Variants in CNTN1 observed in about 807,000 individuals in gnomAD.
CNTN1 encodes the protein contactin-1.
In CNTN1, 38 loss-of-function variants were observed where a neutral mutation model predicts 126.4. The observed-to-expected ratio is 0.30, with a 90% confidence interval of 0.23 to 0.39. The LOEUF (loss-of-function observed/expected upper bound fraction) is 0.39. CNTN1 is among the 10% of genes least tolerant of loss of function. CNTN1 has a pLI of 1.00. For synonymous variants in CNTN1, 413 were observed against 422.6 expected (o/e 0.98, Z 0.28); for missense variants, 1,009 against 1,248.4 (o/e 0.81, Z 2.89).
chr12:40,960,668 GA>G (rs2137011631), intron 15 of CNTN1, among the ~76,000 whole-genome samples: 1 of 152,130 alleles, frequency 6.6e-6, no homozygotes, highest in Non-Finnish European at 1.5e-5. Flanking sequence ...AAATAAAAAT[GA>G]GACTACAAAA....
At position 40,757,915 on chromosome 12, in the gene CNTN1, C is replaced by T. The variant is rs1307225315; in HGVS notation, c.-77+65323C>T. On this transcript the variant is annotated intron_variant, in intron 1 of 23. Transcript: ENST00000551295. ...ATAAGCAGACATATTAGGTAATTAA[C>T]ATGCTATTTAGTTTATATATAGAAA... is the stretch of plus-strand genomic sequence containing the variant. 1.3e-5 allele frequency among the ~76,000 whole-genome samples: 2 copies of T among 151,974 alleles called. 1 individual carries two copies. The highest frequency in any genetic ancestry group is 1.3e-4 in the Admixed American group (2 of 15,240).
chr12:40,785,381 G>C (rs983395673), intron 1 of CNTN1, among the ~76,000 whole-genome samples: 12 of 152,140 alleles, frequency 7.9e-5, no homozygotes, highest in Admixed American at 7.9e-4. Flanking sequence ...GGCAAGGAAG[G>C]GGGTGAGAGA....
intron 1 of CNTN1, among the ~76,000 whole-genome samples, chr12:40,844,411 T>C (rs1310585992): frequency 6.6e-6 from 1 of 152,106 alleles, no homozygotes; most frequent in Non-Finnish European, 1.5e-5. Context: ...ATCACAAATA[T>C]TGTTTTTTTG....
chr12:40,818,381 T>TC (rs910078061), intron 1 of CNTN1, among the ~76,000 whole-genome samples: 3 of 152,156 alleles, frequency 2.0e-5, no homozygotes, highest in African/African-American at 7.2e-5. Context: ...ATTCTTTTTT[T>TC]CTCTATTCTT....
intron 1 of CNTN1, among the ~76,000 whole-genome samples, chr12:40,752,793 A>G (rs1382963648): frequency 6.6e-6 from 1 of 152,146 alleles, no homozygotes; most frequent in Non-Finnish European, 1.5e-5. Context: ...CCCTTGATTT[A>G]TAAAAACAGA....
At chr12:41,038,919 G>A (rs1465148245) in intron 23 of CNTN1, among the ~76,000 whole-genome samples, 1 of 152,020 alleles carries the variant, frequency 6.6e-6, no homozygotes, top group Non-Finnish European at 1.5e-5. Flanking sequence ...TAAAGTGAGA[G>A]AAAAGTTGAA....
chr12:40,704,920 A>G (rs112048387), intron 1 of CNTN1, among the ~76,000 whole-genome samples: 226 of 152,344 alleles, frequency 1.5e-3, no homozygotes, highest in African/African-American at 5.1e-3. Context: ...ATTGTTAGTC[A>G]TACTGAAATG....
intron 3 of CNTN1, among the ~76,000 whole-genome samples, chr12:40,913,964 G>A (rs951532975): frequency 1.3e-5 from 2 of 152,112 alleles, no homozygotes; most frequent in Non-Finnish European, 2.9e-5. Flanking sequence ...GATCAAAATA[G>A]TGATATGAAA....
At chr12:41,039,327 T>A (rs1949342230) in intron 23 of CNTN1, among the ~76,000 whole-genome samples, 1 of 151,906 alleles carries the variant, frequency 6.6e-6, no homozygotes, top group South Asian at 2.1e-4. Context: ...GTACTAAGAG[T>A]AGAAGTGGGA....
At chr12:40,821,410 T>A (rs1941438130) in intron 1 of CNTN1, among the ~76,000 whole-genome samples, 2 of 152,214 alleles carry the variant, frequency 1.3e-5, no homozygotes, top group Admixed American at 6.5e-5. Flanking sequence ...GTAACTAAAA[T>A]TAAATATGAT....
intron 20 of CNTN1, among the ~76,000 whole-genome samples, chr12:41,023,401 G>C (rs2120803507): frequency 6.6e-6 from 1 of 152,218 alleles, no homozygotes; most frequent in South Asian, 2.1e-4. Flanking sequence ...ATCTTACTTG[G>C]TTAAAGAGCT....
intron 14 of CNTN1, among the ~76,000 whole-genome samples, chr12:40,946,353 A>T (rs1333829793): frequency 6.6e-6 from 1 of 152,088 alleles, no homozygotes; most frequent in Non-Finnish European, 1.5e-5. Flanking sequence ...AATCTTAGTG[A>T]ATATATATAT....
chr12:40,734,391 A>G (rs1942568813), intron 1 of CNTN1, among the ~76,000 whole-genome samples: 1 of 152,126 alleles, frequency 6.6e-6, no homozygotes, highest in African/African-American at 2.4e-5. Flanking sequence ...GGTGAGATTC[A>G]ATGTAATAAA....
chr12:41,025,333 GCACGTGAGTCT>G lies in CNTN1; in HGVS notation c.2710+3_2710+13del. The G allele has an allele frequency of 6.2e-7, 1 of 1,613,078 alleles. No homozygotes were observed. The highest frequency in any genetic ancestry group is 8.5e-7 in the Non-Finnish European group (1 of 1,179,182). The stretch of plus-strand genomic sequence containing the variant: ...CATGATTGAGGCTTTCACCAAGAAA[GCACGTGAGTCT>G]CACGTTTTGTTTTTAGACTTGTCAA... On this transcript the variant is annotated splice_donor_variant and splice_donor_5th_base_variant and coding_sequence_variant and intron_variant, in exon 21 of 24. Transcript: ENST00000551295. LOFTEE classifies it high-confidence loss of function.
rs75426521 is a variant in CNTN1 at position 40,792,040 on chromosome 12, C to T, written c.-77+99448C>T. Among the ~76,000 whole-genome samples the T allele has an allele frequency of 7.4e-3, 1,125 of 152,010 alleles. 13 individuals carry two copies. Among genetic ancestry groups the T allele is most frequent in the African/African-American group, 0.026 (1,085 of 41,490 alleles). On this transcript the variant is annotated intron_variant, in intron 1 of 23. Transcript: ENST00000551295. ...ATCTGTGTGAGGAAATCAATTTAAC[C>T]TGAAGAATTATTAGAAAAAATAATC...
At chr12:40,830,349 T>A (rs1941766854) in intron 1 of CNTN1, among the ~76,000 whole-genome samples, 1 of 151,966 alleles carries the variant, frequency 6.6e-6, no homozygotes, top group South Asian at 2.1e-4. Context: ...CCAAAATGAG[T>A]TTAGATAGTG....
chr12:40,784,256 AT>A (rs1939917925), intron 1 of CNTN1, among the ~76,000 whole-genome samples: 4 of 152,152 alleles, frequency 2.6e-5, no homozygotes, highest in African/African-American at 9.7e-5. Flanking sequence ...GGGATTTAAA[AT>A]GTGAAACTTG....
intron 15 of CNTN1, chr12:40,972,022 T>C: frequency 1.0e-6 from 1 of 986,228 alleles, no homozygotes; most frequent in East Asian, 1.1e-4. Flanking sequence ...ATACATATTC[T>C]TTGGCATGAA....
intron 1 of CNTN1, among the ~76,000 whole-genome samples, chr12:40,879,652 G>T (rs1943805701): frequency 6.6e-6 from 1 of 152,064 alleles, no homozygotes; most frequent in Non-Finnish European, 1.5e-5. Context: ...GGAGATTACA[G>T]AAACTAACTG....
Sources: allele counts gnomAD v4.1 joint callset (sites outside exome capture counted in the v4.1 genomes callset), GRCh38; gene constraint gnomAD v4.1.1; transcripts MANE v1.5; gene names NCBI Gene and HGNC (gene_info 2026-07-23, HGNC 2026-07-21).